TMEM38B: variants seen among roughly 807,000 people sequenced by gnomAD.
The protein encoded by TMEM38B is trimeric intracellular cation channel type B.
In TMEM38B, 24 loss-of-function variants were observed where a neutral mutation model predicts 28.7. The ratio of observed to expected loss-of-function variants is 0.84; its 90% CI spans 0.61 to 1.18. TMEM38B has a LOEUF of 1.18. Among genes scored for constraint, TMEM38B ranks in the 50% most tolerant of loss-of-function variants. TMEM38B has a pLI of 0.00. For missense variants in TMEM38B, 380 were observed against 350.9 expected (o/e 1.08, Z -0.66); for synonymous variants, 131 against 127.7 (o/e 1.03, Z -0.17).
intron 1 of TMEM38B, among the ~76,000 whole-genome samples, chr9:105,699,769 T>C (rs1588380935): frequency 6.6e-6 from 1 of 152,024 alleles, no homozygotes; most frequent in Non-Finnish European, 1.5e-5. Context: ...TGAACAAACA[T>C]GTGAATCCTC....
At chr9:105,761,245 ATTC>A (rs1838037422) in intron 5 of TMEM38B, among the ~76,000 whole-genome samples, 1 of 152,144 alleles carries the variant, frequency 6.6e-6, no homozygotes, top group African/African-American at 2.4e-5. Context: ...TCTTTTGTAT[ATTC>A]TTTTTCCACT....
At chr9:105,751,533 C>A (rs1003681293) in intron 5 of TMEM38B, among the ~76,000 whole-genome samples, 3 of 152,162 alleles carry the variant, frequency 2.0e-5, no homozygotes, top group African/African-American at 7.2e-5. Context: ...GTGAGGAAAT[C>A]CATCCGTACA....
chr9:105,705,465 G>A, intron 1 of TMEM38B, 132 bp from the exon 2 acceptor site: 3 of 858,264 alleles, frequency 3.5e-6, no homozygotes, highest in Non-Finnish European at 5.1e-6. Context: ...GATTTTGACT[G>A]GCACACCTAT....
At position 105,709,353 on chromosome 9, in the gene TMEM38B, G is replaced by C. The variant is rs1389111929; in HGVS notation, c.269+3600G>C. 3.9e-5 allele frequency among the ~76,000 whole-genome samples: 6 copies of C among 152,112 alleles called. No homozygotes were observed. In the East Asian group the frequency reaches 7.7e-4, roughly 20 times the overall value. Reference sequence around the variant, plus strand: ...TTAATTATTTGTAATAATGGGATCAGACAAACACGGGATAATTTTAAATGG... The same window carrying C: ...TTAATTATTTGTAATAATGGGATCACACAAACACGGGATAATTTTAAATGG... On this transcript the variant is annotated intron_variant, in intron 2 of 5. Coordinates refer to ENST00000374692, the MANE Select transcript of TMEM38B (RefSeq NM_018112.3).
chr9:105,744,693 G>A (rs1202532505), intron 4 of TMEM38B, among the ~76,000 whole-genome samples: 3 of 151,602 alleles, frequency 2.0e-5, no homozygotes, highest in Non-Finnish European at 2.9e-5. Flanking sequence ...CCATTAACTC[G>A]TCATTTAACA....
intron 5 of TMEM38B, chr9:105,759,342 A>C: frequency 9.3e-7 from 1 of 1,078,604 alleles, no homozygotes; most frequent in Non-Finnish European, 1.4e-6. Flanking sequence ...CTTCAAATCA[A>C]TGGAGTGCCT....
In TMEM38B at chr9:105,722,595, A is replaced by C. The variant is rs1349418421; in HGVS notation, c.516A>C (p.Glu172Asp). The C allele has an allele frequency of 1.2e-5, 20 of 1,613,714 alleles. No individual in the cohort carries two copies. In the East Asian group the frequency reaches 4.5e-4, roughly 36 times the overall value. ...TGGTAAAAGGAGATTGGAAACCAGA[A>C]GGTGATGAATGGCTGAAGATGTCAT... The part of the protein sequence containing the change: ...ERLVKGDWKP[E>D]GDEWLKMSYP... The change falls in exon 4 of 6, where the codon GAA (glutamate) becomes GAC (aspartate). Residue 172 changes from glutamate (E) to aspartate (D), a missense_variant. Glu to Asp is a conservative substitution (Grantham distance 45). Coordinates refer to ENST00000374692, the MANE Select transcript of TMEM38B (RefSeq NM_018112.3).
Position 105,775,745 on chromosome 9 carries a change from T to A in TMEM38B, c.*1665T>A, listed in dbSNP as rs923674593. The stretch of plus-strand genomic sequence containing the variant: ...TTTTGAAGTTTGGGTTTAACTGTAG[T>A]TGAAATGGAAGGACTCTTGTTTTAC... On this transcript the variant is annotated 3_prime_UTR_variant, in exon 6 of 6. Coordinates refer to ENST00000374692, the MANE Select transcript of TMEM38B (RefSeq NM_018112.3). The A allele has an allele frequency of 6.6e-6, 1 of 152,142 alleles. No individual in the cohort carries two copies. Among genetic ancestry groups the A allele is most frequent in the Non-Finnish European group, 1.5e-5 (1 of 68,016 alleles). The allele number at this position is 152,142 out of a possible 1,614,324, so 9.4% of individuals were successfully genotyped here.
At position 105,694,692 on chromosome 9, in the gene TMEM38B, CCTT is replaced by C; in HGVS notation, c.35_37del (p.Phe12del). 1 of 1,613,968 alleles carries C rather than the reference CCTT, an allele frequency of 6.2e-7. No individual in the cohort carries two copies. Among genetic ancestry groups the C allele is most frequent in the Non-Finnish European group, 8.5e-7 (1 of 1,179,868 alleles). On this transcript the variant is annotated inframe_deletion, in exon 1 of 6. Coordinates refer to ENST00000374692, the MANE Select transcript of TMEM38B (RefSeq NM_018112.3). ...TCTCCATGGGACGAGTTGGCTCTGG[CCTT>C]CTCCCGCACGTCCATGTTTCCCTTT...
At chr9:105,759,575 G>C in intron 5 of TMEM38B, 3 of 1,554,456 alleles carry the variant, frequency 1.9e-6, no homozygotes, top group Non-Finnish European at 2.7e-6. Flanking sequence ...CCAAGTTGCT[G>C]TTCTTTGGAA....
intron 4 of TMEM38B, 122 bp downstream of exon 4, chr9:105,722,743 AATG>A (rs1442177965): frequency 1.4e-6 from 1 of 697,002 alleles, no homozygotes; most frequent in Middle Eastern, 3.2e-4. Context: ...TATAAATAGT[AATG>A]ATAATGGGAA....
chr9:105,759,627 C>A, intron 5 of TMEM38B: 1 of 1,577,924 alleles, frequency 6.3e-7, no homozygotes, highest in Non-Finnish European at 8.7e-7. Flanking sequence ...AAGAGGCATC[C>A]AGTGTAAAGA....
chr9:105,745,092 A>G (rs7852501), intron 4 of TMEM38B, among the ~76,000 whole-genome samples: 35,482 of 151,984 alleles, frequency 0.23, 6,787 homozygotes, highest in African/African-American at 0.51. Flanking sequence ...TAATCCTTTG[A>G]GTATATACCC....
intron 5 of TMEM38B, chr9:105,760,568 A>G: frequency 2.7e-6 from 2 of 744,360 alleles, no homozygotes; most frequent in Non-Finnish European, 4.9e-6. Flanking sequence ...AATGTTATTA[A>G]AAACAAGAGT....
At position 105,716,374 on chromosome 9, in the gene TMEM38B, T is replaced by TTGTG. The variant is rs139155061; in HGVS notation, c.270-5149_270-5146dup. Among the ~76,000 whole-genome samples, 13 of 150,744 alleles carry TTGTG rather than the reference T, an allele frequency of 8.6e-5. No individual in the cohort carries two copies. The South Asian group carries it at 1.5e-3, about 17-fold the overall frequency. Reference sequence around the variant, plus strand: ...CCAGAACCTCTGTCAGTTGTAGCATTTGTGTGTGTGTGTGTGTATATTTCC... The same window carrying TTGTG: ...CCAGAACCTCTGTCAGTTGTAGCATTTGTGTGTGTGTGTGTGTGTGTATATTTCC... On this transcript the variant is annotated intron_variant, in intron 2 of 5. Transcript: ENST00000374692.
At chr9:105,730,130 G>C (rs577164635) in intron 4 of TMEM38B, among the ~76,000 whole-genome samples, 1 of 152,266 alleles carries the variant, frequency 6.6e-6, no homozygotes, top group East Asian at 1.9e-4. Flanking sequence ...TAGGAGTGGT[G>C]AGAGAGGGCA....
At chr9:105,703,645 CT>C (rs1332724549) in intron 1 of TMEM38B, among the ~76,000 whole-genome samples, 1 of 152,012 alleles carries the variant, frequency 6.6e-6, no homozygotes, top group African/African-American at 2.4e-5. Context: ...AATGGTTGAA[CT>C]AGTTTACAGT....
rs868339712 is a variant in TMEM38B, at chr9:105,759,922, C to G, written c.660+11732C>G. ...ACCAGTGGCTGAAATGATCATGAAA[C>G]CAAATGTTGGACAAAGCAGCACAAG... On this transcript the variant is annotated intron_variant, in intron 5 of 5. Transcript: ENST00000374692. 24 of 1,596,138 alleles carry G rather than the reference C, an allele frequency of 1.5e-5. No homozygotes were observed. The South Asian group carries it at 2.6e-4, about 17-fold the overall frequency.
intron 4 of TMEM38B, among the ~76,000 whole-genome samples, chr9:105,737,636 T>G (rs921641344): frequency 6.6e-6 from 1 of 152,156 alleles, no homozygotes; most frequent in Non-Finnish European, 1.5e-5. Flanking sequence ...TTGCATCCGT[T>G]CCACCTGGAA....
Sources: gnomAD v4.1 joint callset for allele counts (sites outside exome capture counted in the v4.1 genomes callset) on GRCh38, gnomAD v4.1.1 for gene constraint, MANE v1.5 for transcripts, NCBI Gene and HGNC (gene_info 2026-07-23, HGNC 2026-07-21) for gene names.